The following TRPS1 variants were observed in gnomAD, a reference collection of about 807,000 sequenced individuals.
TRPS1 encodes zinc finger transcription factor Trps1.
Under a neutral mutation model 101.2 loss-of-function variants are expected in TRPS1, and 6 were observed. That is an observed-to-expected ratio of 0.06 (90% CI 0.03 to 0.12). TRPS1 has a LOEUF of 0.12. Among genes scored for constraint, TRPS1 ranks in the 10% least tolerant of loss-of-function variants. TRPS1 has a pLI of 1.00. For missense variants in TRPS1, 1,363 were observed against 1,567.0 expected (o/e 0.87, Z 2.20); for synonymous variants, 578 against 589.8 (o/e 0.98, Z 0.29).
chr8:115,542,717 G>A (rs1000501835), intron 5 of TRPS1, among the ~76,000 whole-genome samples: 2 of 152,112 alleles, frequency 1.3e-5, no homozygotes, highest in Non-Finnish European at 1.5e-5. Flanking sequence ...TCTGTAAAAT[G>A]GGGATGATGA....
At chr8:115,476,005 CTTTTT>C (rs1169514340) in intron 5 of TRPS1, among the ~76,000 whole-genome samples, 1 of 40,668 alleles carries the variant, frequency 2.5e-5, no homozygotes, top group Non-Finnish European at 3.8e-5. Context: ...AATATACTTT[CTTTTT>C]TTTTTTTTTT....
At chr8:115,562,502 T>C (rs1234215800) in intron 5 of TRPS1, among the ~76,000 whole-genome samples, 1 of 150,344 alleles carries the variant, frequency 6.7e-6, no homozygotes. Context: ...GTCAGTGTGA[T>C]TGCCAGGAAA....
At chr8:115,443,073 G>C (rs1813647444) in intron 5 of TRPS1, among the ~76,000 whole-genome samples, 1 of 151,980 alleles carries the variant, frequency 6.6e-6, no homozygotes, top group South Asian at 2.1e-4. Flanking sequence ...TCCAGCCTGT[G>C]TGACAGAGCG....
Position 115,653,420 on chromosome 8 carries a change from C to G in TRPS1, c.-122+15125G>C, listed in dbSNP as rs183950686. On this transcript the variant is annotated intron_variant, in intron 1 of 6. Transcript: ENST00000395715. ...GCCTTTCTTCATATAGTATGCTCAC[C>G]ACACCAAGAAAGAGATTTTACGTGG... Among the ~76,000 whole-genome samples, 1,154 of 151,948 alleles carry G rather than the reference C, an allele frequency of 7.6e-3. 6 individuals carry two copies. The highest frequency in any genetic ancestry group is 0.02 in the Middle Eastern group (6 of 294).
At chr8:115,535,245 C>CATATATAGCATATATATAGCAT (rs755117098) in intron 5 of TRPS1, among the ~76,000 whole-genome samples, 1 of 35,062 alleles carries the variant, frequency 2.9e-5, no homozygotes, top group Non-Finnish European at 5.0e-5. Flanking sequence ...GCATATATAG[C>CATATATAGCATATATATAGCAT]ATATATAGCA....
chr8:115,587,425 A>G lies in TRPS1; in HGVS notation c.2276T>C (p.Val759Ala). ...AGAGTCTGGAGTTAGCAGATTGTAG[A>G]CCCTGAAGTCAATTTTGGGCTCCTC... ...IKEEPKIDFR[V>A]YNLLTPDSKM... Residue 759 changes from valine to alanine, a missense_variant, in exon 5 of 7, where the codon GTC (valine) becomes GCC (alanine). By Grantham distance (64) the Val-to-Ala change is moderately conservative (BLOSUM62 0). Coordinates refer to ENST00000395715, the MANE Select transcript of TRPS1 (RefSeq NM_014112.5). The G allele has an allele frequency of 6.2e-7, 1 of 1,614,056 alleles. No homozygotes were observed.
intron 4 of TRPS1, among the ~76,000 whole-genome samples, chr8:115,598,392 C>G (rs1452370460): frequency 6.6e-6 from 1 of 152,138 alleles, no homozygotes; most frequent in East Asian, 1.9e-4. Flanking sequence ...ACTGCAGCCT[C>G]GACCTCCTGG....
intron 3 of TRPS1, among the ~76,000 whole-genome samples, chr8:115,618,224 A>G (rs1017125362): frequency 6.6e-6 from 1 of 152,202 alleles, no homozygotes; most frequent in Non-Finnish European, 1.5e-5. Context: ...CCCTGGCCTT[A>G]TAATACAATA....
chr8:115,615,671 G>GAAT (rs1818261966), intron 3 of TRPS1, among the ~76,000 whole-genome samples: 1 of 152,288 alleles, frequency 6.6e-6, no homozygotes, highest in East Asian at 1.9e-4. Flanking sequence ...TGAGGCAGGA[G>GAAT]AATAACTTGA....
intron 5 of TRPS1, among the ~76,000 whole-genome samples, chr8:115,527,302 G>T (rs1816022737): frequency 6.6e-6 from 1 of 151,688 alleles, no homozygotes. Flanking sequence ...ATATCGTTTA[G>T]GTGAGTACAT....
chr8:115,528,420 C>T (rs961190377), intron 5 of TRPS1, among the ~76,000 whole-genome samples: 1 of 151,982 alleles, frequency 6.6e-6, no homozygotes, highest in Non-Finnish European at 1.5e-5. Flanking sequence ...ATAGCACTCG[C>T]ATAGACAGAA....
chr8:115,414,968 C>T lies in TRPS1; in HGVS notation c.2940G>A (p.Gln980=). 6.3e-7 allele frequency: 1 copy of T among 1,585,650 alleles called. No homozygotes were observed. The highest frequency in any genetic ancestry group is 8.6e-7 in the Non-Finnish European group (1 of 1,168,006). ...TGACTTGCTCCTCATTGCTGCCCCTCTGCTGTTTGTTGAGCTGCTCAGCCT... is the reference window on the plus strand; with the variant it reads ...TGACTTGCTCCTCATTGCTGCCCCTTTGCTGTTTGTTGAGCTGCTCAGCCT... The part of the protein sequence containing the change: ...ALQAEQLNKQ[Q]RGSNEEQVNG... The change falls in exon 7 of 7, where the codon CAG becomes CAA. Residue 980 remains glutamine, a synonymous_variant. Coordinates refer to ENST00000395715, the MANE Select transcript of TRPS1 (RefSeq NM_014112.5). The surrounding 1 kb of genome is among the most constrained non-coding windows in gnomAD (Gnocchi z 4.8).
intron 5 of TRPS1, among the ~76,000 whole-genome samples, chr8:115,560,898 G>A (rs1281483705): frequency 3.3e-5 from 5 of 152,070 alleles, no homozygotes; most frequent in Admixed American, 3.3e-4. Context: ...CTTGTTTTAG[G>A]AGGTAAACAA....
chr8:115,415,123 A>G, intron 6 of TRPS1, 39 bp from the exon 7 acceptor site: 1 of 1,562,316 alleles, frequency 6.4e-7, no homozygotes, highest in Non-Finnish European at 8.6e-7. Flanking sequence ...GGAAAACATT[A>G]AAAAATACAT....
At chr8:115,533,448 T>TG (rs199572316) in intron 5 of TRPS1, among the ~76,000 whole-genome samples, 1,655 of 130,058 alleles carry the variant, frequency 0.013, 53 homozygotes, top group African/African-American at 0.051. Flanking sequence ...TTTTTTTTTT[T>TG]TTTTTTTTTT....
intron 5 of TRPS1, among the ~76,000 whole-genome samples, chr8:115,470,051 G>T (rs1467178521): frequency 1.3e-5 from 2 of 152,178 alleles, no homozygotes; most frequent in African/African-American, 4.8e-5. Flanking sequence ...GGGTTTTAAA[G>T]GACAATGTCT....
chr8:115,549,062 A>C (rs1816643788), intron 5 of TRPS1, among the ~76,000 whole-genome samples: 1 of 152,262 alleles, frequency 6.6e-6, no homozygotes, highest in African/African-American at 2.4e-5. Context: ...TTAAAGAAAC[A>C]GATGAGAGAC....
intron 5 of TRPS1, among the ~76,000 whole-genome samples, chr8:115,513,818 T>C (rs947484548): frequency 5.9e-5 from 9 of 151,668 alleles, no homozygotes; most frequent in Non-Finnish European, 1.0e-4. Context: ...TCCTATATTA[T>C]AGGTGTCTTC....
At chr8:115,665,989 A>G (rs1811912413) in intron 1 of TRPS1, among the ~76,000 whole-genome samples, 1 of 152,212 alleles carries the variant, frequency 6.6e-6, no homozygotes, top group African/African-American at 2.4e-5. Context: ...TACTTCGCCA[A>G]CAGAGTACTA....
Sources: gnomAD v4.1 joint callset for allele counts (sites outside exome capture counted in the v4.1 genomes callset) on GRCh38, gnomAD v4.1.1 for gene constraint, Gnocchi (gnomAD v3.1) non-coding constraint, MANE v1.5 for transcripts, NCBI Gene and HGNC (gene_info 2026-07-23, HGNC 2026-07-21) for gene names.